The following MCTP2 variants were observed in gnomAD, a reference collection of about 807,000 sequenced individuals.
The protein encoded by MCTP2 is multiple C2 and transmembrane domain containing 2.
A neutral mutation model predicts 111.6 loss-of-function variants in MCTP2; 132 were observed. That is an observed-to-expected ratio of 1.18 (90% CI 1.03 to 1.37). The LOEUF is 1.37. Among genes scored for constraint, MCTP2 ranks in the 40% most tolerant of loss-of-function variants. The probability of loss-of-function intolerance (pLI) is 0.00; values close to 1 mark genes in which losing one functional copy is unlikely to be tolerated. For synonymous variants in MCTP2, 395 were observed against 387.7 expected (o/e 1.02, Z -0.22); for missense variants, 1,183 against 1,067.9 (o/e 1.11, Z -1.50).
chr15:94,341,154 A>G, intron 7 of MCTP2: 1 of 471,968 alleles, frequency 2.1e-6, no homozygotes, highest in Non-Finnish European at 3.9e-6. Context: ...TATTAAGATG[A>G]TCAGGCATAC....
chr15:94,466,304 C>A (rs913497628), intron 20 of MCTP2, among the ~76,000 whole-genome samples: 2 of 151,992 alleles, frequency 1.3e-5, no homozygotes, highest in South Asian at 2.1e-4. Context: ...CACCTATATT[C>A]CTTGGATTTT....
At chr15:94,415,358 A>G (rs1190741219) in intron 17 of MCTP2, among the ~76,000 whole-genome samples, 1 of 152,142 alleles carries the variant, frequency 6.6e-6, no homozygotes, top group Non-Finnish European at 1.5e-5. Flanking sequence ...ATTAGGAGTG[A>G]AAGCAATAAG....
chr15:94,285,730 T>C (rs899298015), intron 1 of MCTP2, among the ~76,000 whole-genome samples: 4 of 152,152 alleles, frequency 2.6e-5, no homozygotes, highest in Non-Finnish European at 4.4e-5. Context: ...CCAAGCACAC[T>C]ATATGAATTT....
At chr15:94,234,212 A>G (rs1596112532) in intron 1 of MCTP2, among the ~76,000 whole-genome samples, 1 of 152,324 alleles carries the variant, frequency 6.6e-6, no homozygotes, top group African/African-American at 2.4e-5. Context: ...GGGGATATGA[A>G]GCAGGGGCAG....
At chr15:94,390,062 A>ATATATATATATG (rs1567601937) in intron 14 of MCTP2, among the ~76,000 whole-genome samples, 2 of 10,264 alleles carry the variant, frequency 1.9e-4, no homozygotes, top group South Asian at 4.2e-3. Context: ...ATATATATAT[A>ATATATATATATG]TATATATATA....
At chr15:94,236,096 A>G (rs1408829679) in intron 1 of MCTP2, among the ~76,000 whole-genome samples, 2 of 152,150 alleles carry the variant, frequency 1.3e-5, no homozygotes, top group African/African-American at 4.8e-5. Context: ...TAGCGTCATG[A>G]TTAAGGGCTC....
intron 4 of MCTP2, among the ~76,000 whole-genome samples, chr15:94,317,694 T>C (rs62016061): frequency 0.074 from 11,325 of 152,262 alleles, 576 homozygotes; most frequent in Non-Finnish European, 0.097. Context: ...TTGCTGTGAC[T>C]CTCTACTGCT....
chr15:94,347,023 A>T (rs1478578352), intron 8 of MCTP2, among the ~76,000 whole-genome samples: 1 of 152,166 alleles, frequency 6.6e-6, no homozygotes, highest in Non-Finnish European at 1.5e-5. Flanking sequence ...TCCTAGATAA[A>T]TAAAGTTTAC....
chr15:94,240,073 T>TTTG (rs1180838152), intron 1 of MCTP2, among the ~76,000 whole-genome samples: 1 of 152,092 alleles, frequency 6.6e-6, no homozygotes, highest in African/African-American at 2.4e-5. Flanking sequence ...GTAGTTTTTT[T>TTTG]TTTGTTTGTT....
intron 3 of MCTP2, chr15:94,314,895 C>T (rs1362710873): frequency 1.3e-5 from 5 of 392,180 alleles, no homozygotes; most frequent in African/African-American, 1.0e-4. Flanking sequence ...GTAAGAGACA[C>T]TAAGAGTGGG....
At chr15:94,458,598 C>A (rs1261596843) in intron 20 of MCTP2, among the ~76,000 whole-genome samples, 1 of 152,120 alleles carries the variant, frequency 6.6e-6, no homozygotes, top group South Asian at 2.1e-4. Flanking sequence ...ATACAGGAGC[C>A]TTTGCTATCT....
intron 4 of MCTP2, among the ~76,000 whole-genome samples, chr15:94,318,873 C>G (rs527453284): frequency 6.6e-6 from 1 of 152,326 alleles, no homozygotes; most frequent in Admixed American, 6.5e-5. Context: ...ATTGTCATCT[C>G]TCTCTGCAGA....
At chr15:94,375,583 C>T (rs2079724059) in intron 12 of MCTP2, among the ~76,000 whole-genome samples, 1 of 152,064 alleles carries the variant, frequency 6.6e-6, no homozygotes, top group South Asian at 2.1e-4. Context: ...AACAAACAAA[C>T]AAATAAAACC....
intron 19 of MCTP2, among the ~76,000 whole-genome samples, chr15:94,444,979 A>G (rs993249237): frequency 7.2e-5 from 11 of 152,184 alleles, no homozygotes; most frequent in Admixed American, 7.2e-4. Flanking sequence ...AGTGACTGGC[A>G]AGCAACAAAA....
At chr15:94,423,911 A>C (rs2152495837) in intron 17 of MCTP2, among the ~76,000 whole-genome samples, 1 of 152,332 alleles carries the variant, frequency 6.6e-6, no homozygotes, top group South Asian at 2.1e-4. Flanking sequence ...GATAAGGTGA[A>C]ACATCTGTGT....
At chr15:94,460,557 A>T (rs183755100) in intron 20 of MCTP2, among the ~76,000 whole-genome samples, 9 of 152,348 alleles carry the variant, frequency 5.9e-5, no homozygotes, top group Non-Finnish European at 7.4e-5. Flanking sequence ...AAGGAAGATC[A>T]TGTTGTTTGG....
intron 1 of MCTP2, among the ~76,000 whole-genome samples, chr15:94,253,733 CT>C (rs58434173): frequency 0.18 from 25,990 of 146,826 alleles, 2,405 homozygotes; most frequent in East Asian, 0.32. Flanking sequence ...TAAAGTCTCT[CT>C]TTTTTTTTTT....
chr15:94,464,251 TATATATTA>T (rs1301438691), intron 20 of MCTP2, among the ~76,000 whole-genome samples: 2 of 48,178 alleles, frequency 4.2e-5, no homozygotes, highest in Non-Finnish European at 8.8e-5. Context: ...TATATATATA[TATATATTA>T]TATATATATA....
intron 1 of MCTP2, among the ~76,000 whole-genome samples, chr15:94,291,093 A>G (rs2075008919): frequency 6.6e-6 from 1 of 152,222 alleles, no homozygotes; most frequent in Non-Finnish European, 1.5e-5. Flanking sequence ...TCAAATGCAT[A>G]TGGGACATTT....
Sources: allele counts gnomAD v4.1 joint callset (sites outside exome capture counted in the v4.1 genomes callset), GRCh38; gene constraint gnomAD v4.1.1; transcripts MANE v1.5; gene names NCBI Gene and HGNC (gene_info 2026-07-23, HGNC 2026-07-21).